The following DIP2C variants were observed in gnomAD, a reference collection of about 807,000 sequenced individuals.
The protein encoded by DIP2C is DIP2 acetate--CoA ligase C (putative).
DIP2C carries 33 observed loss-of-function variants against 192.4 expected under a neutral mutation model. The observed-to-expected ratio is 0.17, with a 90% CI of 0.13 to 0.23. The LOEUF (loss-of-function observed/expected upper bound fraction) is 0.23, where lower values mean the gene tolerates loss of function less well. Among genes scored for constraint, DIP2C ranks in the 10% least tolerant of loss-of-function variants. DIP2C has a pLI of 1.00. For synonymous variants in DIP2C, 979 were observed against 864.1 expected (o/e 1.13, Z -2.33); for missense variants, 1,537 against 2,110.1 (o/e 0.73, Z 5.32).
rs1418129842 is a variant in DIP2C, at chr10:382,840, C to T, written c.1877-79G>A. ...AAAATCCCACCATAGAAAATAGTTC[C>T]GAAGGTGGGATTCAGGCACAAGTGG... On this transcript the variant is annotated intron_variant, in intron 16 of 36. Coordinates refer to ENST00000280886, the MANE Select transcript of DIP2C (RefSeq NM_014974.3). 24 of 1,034,462 alleles carry T rather than the reference C, an allele frequency of 2.3e-5. 1 individual carries two copies. Among genetic ancestry groups the T allele is most frequent in the South Asian group, 1.5e-4 (8 of 54,390 alleles). The allele number at this position is 1,034,462 out of a possible 1,614,324, so 64.1% of individuals were successfully genotyped here. A position where few individuals can be genotyped will look rare whatever the true frequency, so the allele number is the denominator to read the frequency against.
intron 1 of DIP2C, among the ~76,000 whole-genome samples, chr10:625,067 C>T (rs376465093): frequency 3.3e-5 from 5 of 152,288 alleles, no homozygotes; most frequent in African/African-American, 7.2e-5. Flanking sequence ...CTATGGGCAC[C>T]GTCATTTTAG....
intron 1 of DIP2C, among the ~76,000 whole-genome samples, chr10:681,585 A>T (rs1222970547): frequency 3.3e-5 from 5 of 151,968 alleles, no homozygotes; most frequent in Non-Finnish European, 5.9e-5. Context: ...ATTCCAGGGA[A>T]CACAGACCCT....
chr10:345,118 C>A lies in DIP2C; in HGVS notation c.3232-8G>T. The A allele has an allele frequency of 1.9e-6, 3 of 1,608,316 alleles. No homozygotes were observed. The highest frequency in any genetic ancestry group is 2.5e-6 in the Non-Finnish European group (3 of 1,178,660). On this transcript the variant is annotated splice_polypyrimidine_tract_variant and splice_region_variant and intron_variant, in intron 26 of 36. Transcript: ENST00000280886. ...ACAGGCAGAGCGACTCACCTGGCAT[C>A]AGAGAGCGAGAATGGAGCCATGAAC...
At chr10:484,602 G>C (rs1486177375) in intron 2 of DIP2C, among the ~76,000 whole-genome samples, 1 of 152,202 alleles carries the variant, frequency 6.6e-6, no homozygotes, top group Non-Finnish European at 1.5e-5. Context: ...TGATTCACAG[G>C]GACAGACCTG....
rs528029497 is a variant in DIP2C, at chr10:619,537, G to GCCCTCCCT, written c.85+69956_85+69957insAGGGAGGG. The stretch of plus-strand genomic sequence containing the variant: ...GCCAGGGCCAGGACCAAGCCCGCCC[G>GCCCTCCCT]CCCGCCCTCCCACCCAGCTCCTCAC... On this transcript the variant is annotated intron_variant, in intron 1 of 36. Transcript: ENST00000280886. Among the ~76,000 whole-genome samples the GCCCTCCCT allele has an allele frequency of 8.3e-3, 425 of 51,376 alleles. 4 individuals carry two copies. The highest frequency in any genetic ancestry group is 0.019 in the African/African-American group (366 of 19,274). The allele number at this position is 51,376 out of a possible 152,430, so 33.7% of individuals were successfully genotyped here. A position where few individuals can be genotyped will look rare whatever the true frequency, so the allele number is the denominator to read the frequency against.
In DIP2C at chr10:383,714, G is replaced by A. The variant is rs185915411; in HGVS notation, c.1876+313C>T. 3.8e-4 allele frequency among the ~76,000 whole-genome samples: 58 copies of A among 152,166 alleles called. 1 individual carries two copies. The highest frequency in any genetic ancestry group is 1.2e-3 in the African/African-American group (49 of 41,516). On this transcript the variant is annotated intron_variant, in intron 16 of 36. Transcript: ENST00000280886. ...ATGACTTAAGCACCGTTTTACAGCC[G>A]GGGAAACAGGGTCAGCAAAGGAACT... is the stretch of plus-strand genomic sequence containing the variant.
intron 1 of DIP2C, among the ~76,000 whole-genome samples, chr10:590,901 C>A (rs1051123645): frequency 2.0e-5 from 3 of 152,106 alleles, no homozygotes; most frequent in African/African-American, 7.3e-5. Flanking sequence ...GCACCAGCTT[C>A]ATGGCGTGAG....
intron 1 of DIP2C, chr10:630,704 G>C (rs1394883227): frequency 6.6e-6 from 1 of 152,330 alleles, no homozygotes; most frequent in Non-Finnish European, 1.5e-5. Context: ...TCAGGAAACA[G>C]ACCAGGTGGC....
At chr10:520,771 T>C (rs1846653021) in intron 1 of DIP2C, among the ~76,000 whole-genome samples, 1 of 152,228 alleles carries the variant, frequency 6.6e-6, no homozygotes. Flanking sequence ...TAAGACCCCT[T>C]GGGCTTTTTA....
At chr10:591,969 G>A (rs767726296) in intron 1 of DIP2C, among the ~76,000 whole-genome samples, 9 of 152,324 alleles carry the variant, frequency 5.9e-5, no homozygotes, top group Middle Eastern at 3.4e-3. Flanking sequence ...AGAACGATGC[G>A]AGTCTAAGTC....
Position 440,851 on chromosome 10 carries a change from T to C in DIP2C, c.394+20A>G, listed in dbSNP as rs1214087635. On this transcript the variant is annotated intron_variant, in intron 4 of 36. Transcript: ENST00000280886. ...TGCCCGGCACATTCAGGAGGCCGTG[T>C]CGGGGAGCGTGTCCCTTACCTGGAG... The C allele has an allele frequency of 1.9e-6, 3 of 1,605,526 alleles. No homozygotes were observed. Among genetic ancestry groups the C allele is most frequent in the South Asian group, 2.2e-5 (2 of 89,550 alleles).
At chr10:498,933 A>T (rs1845041260) in intron 1 of DIP2C, among the ~76,000 whole-genome samples, 4 of 152,204 alleles carry the variant, frequency 2.6e-5, no homozygotes, top group Admixed American at 6.5e-5. Context: ...ACTTATCTGC[A>T]TGCCGGCATT....
At chr10:348,572 G>A (rs1958633169) in intron 26 of DIP2C, 69 bp downstream of exon 26, 2 of 1,570,824 alleles carry the variant, frequency 1.3e-6, no homozygotes, top group South Asian at 1.2e-5. Flanking sequence ...AGATGTCAGA[G>A]TCTGCGCGTT....
At chr10:473,331 C>T (rs1970792438) in intron 2 of DIP2C, among the ~76,000 whole-genome samples, 1 of 152,318 alleles carries the variant, frequency 6.6e-6, no homozygotes, top group Non-Finnish European at 1.5e-5. Flanking sequence ...ACTCTGACAC[C>T]ACGGGAACAA....
At chr10:605,445 T>G (rs1852391756) in intron 1 of DIP2C, among the ~76,000 whole-genome samples, 1 of 152,184 alleles carries the variant, frequency 6.6e-6, no homozygotes, top group African/African-American at 2.4e-5. Context: ...AAAACTACCA[T>G]AAGCACCACA....
intron 1 of DIP2C, among the ~76,000 whole-genome samples, chr10:599,233 G>C (rs78180067): frequency 6.0e-4 from 92 of 152,298 alleles, no homozygotes; most frequent in African/African-American, 2.2e-3. Context: ...AGAATGGTTA[G>C]AATGAATCCA....
At chr10:292,382 A>G (rs992428470) in intron 32 of DIP2C, among the ~76,000 whole-genome samples, 1 of 152,220 alleles carries the variant, frequency 6.6e-6, no homozygotes. Flanking sequence ...AGTCCAGTAT[A>G]AATCTTGGAC....
chr10:624,821 C>T (rs532030815), intron 1 of DIP2C, among the ~76,000 whole-genome samples: 18 of 152,254 alleles, frequency 1.2e-4, no homozygotes, highest in African/African-American at 2.4e-4. Context: ...GGGGCACCCA[C>T]GAGAAAACTA....
At chr10:431,674 A>C (rs947338630) in intron 4 of DIP2C, among the ~76,000 whole-genome samples, 15 of 152,222 alleles carry the variant, frequency 9.9e-5, no homozygotes, top group African/African-American at 3.6e-4. Flanking sequence ...CTACATAGGC[A>C]AACATGCCAT....
Sources: gnomAD v4.1 joint callset for allele counts (sites outside exome capture counted in the v4.1 genomes callset) on GRCh38, gnomAD v4.1.1 for gene constraint, MANE v1.5 for transcripts, NCBI Gene and HGNC (gene_info 2026-07-23, HGNC 2026-07-21) for gene names.